Variants in DHX32 observed in about 807,000 individuals in gnomAD.
DHX32 encodes the protein putative pre-mRNA-splicing factor ATP-dependent RNA helicase DHX32.
Under a neutral mutation model 70.0 loss-of-function variants are expected in DHX32, and 51 were observed. The ratio of observed to expected loss-of-function variants is 0.73; its 90% CI spans 0.58 to 0.92. The LOEUF (loss-of-function observed/expected upper bound fraction) is 0.92. DHX32 is among the 40% of genes least tolerant of loss of function. DHX32 has a pLI of 0.00. For synonymous variants in DHX32, 310 were observed against 315.3 expected (o/e 0.98, Z 0.18); for missense variants, 762 against 891.8 (o/e 0.85, Z 1.85).
At position 125,842,856 on chromosome 10, in the gene DHX32, A is replaced by T. The variant is rs1038713699; in HGVS notation, c.1352-922T>A. ...TTAAGTTTATGTAACATCGATAATG[A>T]TGTGGTATTATATATGCTCAGTCTT... On this transcript the variant is annotated intron_variant, in intron 6 of 10. Coordinates refer to ENST00000284690, the MANE Select transcript of DHX32 (RefSeq NM_018180.3). 34 of 818,038 alleles carry T rather than the reference A, an allele frequency of 4.2e-5. No homozygotes were observed. In the Admixed American group the frequency reaches 5.6e-4, roughly 13 times the overall value. The allele number at this position is 818,038 out of a possible 1,614,324, so 50.7% of individuals were successfully genotyped here. A position where few individuals can be genotyped will look rare whatever the true frequency, so the allele number is the denominator to read the frequency against.
At chr10:125,886,784 C>T (rs1354894941) in intron 1 of DHX32, among the ~76,000 whole-genome samples, 1 of 152,234 alleles carries the variant, frequency 6.6e-6, no homozygotes, top group African/African-American at 2.4e-5. Flanking sequence ...TTGAAAAGTA[C>T]AAAGCTGCAC....
At chr10:125,842,089 T>C (rs914549773) in intron 6 of DHX32, 155 bp from the exon 7 acceptor site, 7 of 1,018,280 alleles carry the variant, frequency 6.9e-6, no homozygotes, top group Admixed American at 7.4e-5. Context: ...GAGTGAAGGA[T>C]AGTGATTCTT....
intron 1 of DHX32, among the ~76,000 whole-genome samples, chr10:125,889,467 C>T (rs1008726563): frequency 7.2e-5 from 11 of 152,204 alleles, no homozygotes; most frequent in African/African-American, 2.4e-4. Context: ...TGGTCCAACA[C>T]TCCACGTCAA....
Position 125,896,398 on chromosome 10 carries a change from C to A in DHX32, c.-428G>T, listed in dbSNP as rs560522404. 2.6e-4 allele frequency: 165 copies of A among 627,548 alleles called. No homozygotes were observed. The African/African-American group carries it at 2.9e-3, about 11-fold the overall frequency. The allele number at this position is 627,548 out of a possible 1,614,324, so 38.9% of individuals were successfully genotyped here. On this transcript the variant is annotated 5_prime_UTR_variant, in exon 1 of 3. Coordinates refer to the DHX32 transcript ENST00000415732. ...GCCAGGGAGGGCGCGACCGCCTGAC[C>A]GGGCTTCAGGAGCAGTGTCCTCAGC...
At chr10:125,895,715 C>G in intron 1 of DHX32, among the ~76,000 whole-genome samples, 1 of 152,142 alleles carries the variant, frequency 6.6e-6, no homozygotes, top group Non-Finnish European at 1.5e-5. Flanking sequence ...ACCGGAAACG[C>G]GAAGGACTGA....
At chr10:125,838,434 G>A (rs766707398) in intron 9 of DHX32, 47 bp from the exon 10 acceptor site, 44 of 1,462,164 alleles carry the variant, frequency 3.0e-5, no homozygotes, top group Middle Eastern at 1.8e-4. Context: ...TTAATATGGA[G>A]ATCATTATAC....
chr10:125,880,777 G>A lies in DHX32; in HGVS notation c.48C>T (p.Arg16=). ...TGGAATCCAGGGATTCAGGAAAATA[G>A]CGTTTTTCAGAGGAAGAGTTTGGAC... is the stretch of plus-strand genomic sequence containing the variant. ...LECPNSSSEK[R]YFPESLDSSD... The change falls in exon 1 of 11, where the codon CGC becomes CGT. Residue 16 remains arginine, a synonymous_variant. Coordinates refer to ENST00000284690, the MANE Select transcript of DHX32 (RefSeq NM_018180.3). 6.2e-7 allele frequency: 1 copy of A among 1,614,182 alleles called. No homozygotes were observed.
At chr10:125,862,009 T>A (rs1243213509) in intron 2 of DHX32, among the ~76,000 whole-genome samples, 1 of 152,122 alleles carries the variant, frequency 6.6e-6, no homozygotes, top group Admixed American at 6.5e-5. Flanking sequence ...ATGTTTCTCA[T>A]TTAATCTTCA....
intron 6 of DHX32, among the ~76,000 whole-genome samples, chr10:125,843,937 A>G (rs1854945478): frequency 6.6e-6 from 1 of 152,158 alleles, no homozygotes; most frequent in Non-Finnish European, 1.5e-5. Flanking sequence ...TGGGGCAAAT[A>G]TGTTGAATTT....
Position 125,864,929 on chromosome 10 carries a change from CAAAAAAAAAAAAAAAAAAAAA to C in DHX32, c.476+2040_476+2060del, listed in dbSNP as rs61570718. Reference sequence around the variant, plus strand: ...TGGGAGACAGAGTGGGACTCTGTCTCAAAAAAAAAAAAAAAAAAAAAAAAAAAAAAAAAAAAAAGAAAGAAA... The same window carrying C: ...TGGGAGACAGAGTGGGACTCTGTCTCAAAAAAAAAAAAAAAAAGAAAGAAA... On this transcript the variant is annotated intron_variant, in intron 2 of 10. Coordinates refer to ENST00000284690, the MANE Select transcript of DHX32 (RefSeq NM_018180.3). Among the ~76,000 whole-genome samples, 57 of 54,220 alleles carry C rather than the reference CAAAAAAAAAAAAAAAAAAAAA, an allele frequency of 1.1e-3. 1 individual carries two copies. The highest frequency in any genetic ancestry group is 0.025 in the Middle Eastern group (1 of 40). 35.6% of individuals were successfully genotyped at this position (54,220 alleles called of 152,430 possible). A position where few individuals can be genotyped will look rare whatever the true frequency, so the allele number is the denominator to read the frequency against.
intron 1 of DHX32, among the ~76,000 whole-genome samples, chr10:125,892,649 A>G (rs1407703688): frequency 2.6e-5 from 4 of 152,180 alleles, no homozygotes; most frequent in Non-Finnish European, 5.9e-5. Flanking sequence ...ATGACATGCA[A>G]TTCCAGAGCC....
At chr10:125,873,956 T>C (rs1281263517) in intron 1 of DHX32, among the ~76,000 whole-genome samples, 2 of 152,244 alleles carry the variant, frequency 1.3e-5, no homozygotes, top group South Asian at 4.1e-4. Flanking sequence ...CTTTTTCACC[T>C]CACTGACCCA....
chr10:125,851,920 CAAAAAAAA>C (rs56380138), intron 6 of DHX32, among the ~76,000 whole-genome samples: 16 of 86,788 alleles, frequency 1.8e-4, no homozygotes, highest in Non-Finnish European at 2.7e-4. Flanking sequence ...GACCCTGTCT[CAAAAAAAA>C]AAAAAAAAAA....
At chr10:125,847,755 G>A (rs541135652) in intron 6 of DHX32, among the ~76,000 whole-genome samples, 56 of 152,106 alleles carry the variant, frequency 3.7e-4, no homozygotes, top group African/African-American at 1.2e-3. Flanking sequence ...GTAACTAGAC[G>A]GTCCCATCTG....
At chr10:125,848,255 G>T (rs1944049189) in intron 6 of DHX32, among the ~76,000 whole-genome samples, 1 of 152,174 alleles carries the variant, frequency 6.6e-6, no homozygotes, top group African/African-American at 2.4e-5. Flanking sequence ...CTCTGAAGAG[G>T]ACAGGGAGGA....
Position 125,880,710 on chromosome 10 carries a change from C to T in DHX32, c.115G>A (p.Glu39Lys). 1 of 1,614,158 alleles carries T rather than the reference C, an allele frequency of 6.2e-7. No individual in the cohort carries two copies. Among genetic ancestry groups the T allele is most frequent in the East Asian group, 2.2e-5 (1 of 44,882 alleles). ...GGCAATCCATCAAAGGGGTTAAGTT[C>T]CAAATCCTCACAGGCCAAAACCTCT... ...EEEVLACEDL[E>K]LNPFDGLPYS... is the part of the protein sequence containing the mutation. The change falls in exon 1 of 11, where the codon GAA (glutamate) becomes AAA (lysine). Residue 39 changes from glutamate (E) to lysine (K), a missense_variant. This residue lies in a region of DHX32 where 394 missense variants were observed against 473.1 expected (regional missense o/e 0.83). Transcript: ENST00000284690.
At position 125,876,096 on chromosome 10, in the gene DHX32, C is replaced by CAGTA. The variant is rs1333352157; in HGVS notation, c.282+4443_282+4446dup. ...CTGGAGGCCCTATAACTGGATAGAC[C>CAGTA]AGTAACTCCTCTGTTGTCCCTACCC... On this transcript the variant is annotated intron_variant, in intron 1 of 10. Coordinates refer to ENST00000284690, the MANE Select transcript of DHX32 (RefSeq NM_018180.3). Among the ~76,000 whole-genome samples the CAGTA allele has an allele frequency of 2.0e-5, 3 of 152,248 alleles. No homozygotes were observed. In the East Asian group the frequency reaches 5.8e-4, roughly 29 times the overall value.
intron 1 of DHX32, chr10:125,890,752 G>C (rs5005427): frequency 6.6e-6 from 1 of 151,910 alleles, no homozygotes; most frequent in East Asian, 1.9e-4. Context: ...TTTTTAAAAA[G>C]AATCCTTACA....
intron 1 of DHX32, among the ~76,000 whole-genome samples, chr10:125,876,466 T>C (rs183801880): frequency 5.3e-5 from 8 of 152,218 alleles, no homozygotes; most frequent in Non-Finnish European, 7.4e-5. Context: ...TGGAGGGAAA[T>C]TGTTAACTTT....
Sources: gnomAD v4.1 joint callset for allele counts (sites outside exome capture counted in the v4.1 genomes callset) on GRCh38, gnomAD v4.1.1 for gene constraint, gnomAD v4.1.1 regional missense constraint, MANE v1.5 for transcripts, NCBI Gene and HGNC (gene_info 2026-07-23, HGNC 2026-07-21) for gene names.